METAP1: variants seen among roughly 807,000 people sequenced by gnomAD.
The protein encoded by METAP1 is methionyl aminopeptidase 1.
Under a neutral mutation model 53.8 loss-of-function variants are expected in METAP1, and 28 were observed. That is an observed-to-expected ratio of 0.52 (90% CI 0.39 to 0.71). METAP1 has a LOEUF of 0.71. METAP1 is among the 30% of genes least tolerant of loss of function. The pLI is 0.00. For synonymous variants in METAP1, 181 were observed against 165.7 expected (o/e 1.09, Z -0.71); for missense variants, 389 against 479.8 (o/e 0.81, Z 1.77).
intron 1 of METAP1, among the ~76,000 whole-genome samples, chr4:99,003,630 A>G (rs78727713): frequency 0.01 from 1,528 of 152,322 alleles, 26 homozygotes; most frequent in African/African-American, 0.035. Context: ...TAAAGTCAGG[A>G]TCTGTCGATG....
At position 99,035,474 on chromosome 4, in the gene METAP1, T is replaced by C; in HGVS notation, c.340+14T>C. The C allele has an allele frequency of 6.5e-7, 1 of 1,527,438 alleles. No individual in the cohort carries two copies. The highest frequency in any genetic ancestry group is 1.2e-5 in the South Asian group (1 of 83,176). 94.6% of individuals were successfully genotyped at this position (1,527,438 alleles called of 1,614,324 possible). A position where few individuals can be genotyped will look rare whatever the true frequency, so the allele number is the denominator to read the frequency against. On this transcript the variant is annotated intron_variant, in intron 4 of 10. Coordinates refer to ENST00000296411, the MANE Select transcript of METAP1 (RefSeq NM_015143.3). ...ATCATCCCTTAGGTAAGCTCTGCTA[T>C]GTTGATTCTTCATTTTTCAATTTGT... is the stretch of plus-strand genomic sequence containing the variant.
chr4:98,996,142 TG>T (rs1350337614), intron 1 of METAP1, among the ~76,000 whole-genome samples: 2 of 152,082 alleles, frequency 1.3e-5, no homozygotes, highest in Admixed American at 1.3e-4. Flanking sequence ...CGGGGTCGCG[TG>T]GCCGCGCTAG....
At chr4:99,004,484 TACACACAC>T (rs145601239) in intron 1 of METAP1, among the ~76,000 whole-genome samples, 1,235 of 75,442 alleles carry the variant, frequency 0.016, 13 homozygotes, top group Middle Eastern at 0.053. Context: ...CACACACACA[TACACACAC>T]ACACACACAC....
chr4:98,998,226 A>G (rs1722731422), intron 1 of METAP1, among the ~76,000 whole-genome samples: 2 of 152,218 alleles, frequency 1.3e-5, no homozygotes, highest in African/African-American at 2.4e-5. Flanking sequence ...TACATCTGTG[A>G]TGAAATATGG....
chr4:99,024,913 A>G (rs1341223225), intron 1 of METAP1, among the ~76,000 whole-genome samples: 1 of 152,176 alleles, frequency 6.6e-6, no homozygotes, highest in Non-Finnish European at 1.5e-5. Context: ...ATATGGTTTC[A>G]GGATGAAACT....
chr4:99,029,925 GAAA>G (rs1484925832), intron 2 of METAP1, among the ~76,000 whole-genome samples: 1 of 152,180 alleles, frequency 6.6e-6, no homozygotes, highest in Non-Finnish European at 1.5e-5. Context: ...TGTTGTGGGA[GAAA>G]TGTGGTTAGA....
chr4:99,031,193 C>G (rs1724997690), intron 2 of METAP1, among the ~76,000 whole-genome samples: 1 of 134,944 alleles, frequency 7.4e-6, no homozygotes, highest in Admixed American at 8.1e-5. Flanking sequence ...AATGCTGATT[C>G]TTGGGTGCAT....
At chr4:99,048,314 G>C (rs1726421358) in intron 8 of METAP1, among the ~76,000 whole-genome samples, 2 of 152,094 alleles carry the variant, frequency 1.3e-5, no homozygotes, top group Non-Finnish European at 2.9e-5. Context: ...TGTAAGTTGA[G>C]GCATGGATGC....
At chr4:99,008,935 T>G (rs993203836) in intron 1 of METAP1, among the ~76,000 whole-genome samples, 1 of 152,242 alleles carries the variant, frequency 6.6e-6, no homozygotes, top group Non-Finnish European at 1.5e-5. Context: ...TTTATGTGTA[T>G]AGTTCAGTAG....
chr4:99,009,110 A>T (rs1400740448), intron 1 of METAP1, among the ~76,000 whole-genome samples: 2 of 152,226 alleles, frequency 1.3e-5, no homozygotes, highest in Non-Finnish European at 2.9e-5. Context: ...GACATTTCAT[A>T]TAAGTCAGAT....
At chr4:99,051,346 T>G (rs1726685861) in intron 9 of METAP1, among the ~76,000 whole-genome samples, 1 of 152,164 alleles carries the variant, frequency 6.6e-6, no homozygotes, top group African/African-American at 2.4e-5. Context: ...TGATTAGACA[T>G]AAGAAACAAT....
intron 1 of METAP1, chr4:99,026,410 A>AT (rs1359435699): frequency 1.3e-5 from 13 of 985,270 alleles, no homozygotes; most frequent in African/African-American, 1.7e-5. Flanking sequence ...AAGTGTGGAC[A>AT]TTTTTTAGAG....
intron 9 of METAP1, among the ~76,000 whole-genome samples, chr4:99,052,810 T>TA (rs1439783209): frequency 5.3e-5 from 8 of 152,366 alleles, no homozygotes; most frequent in African/African-American, 1.9e-4. Flanking sequence ...TAGCTTGTGA[T>TA]ATTGTTTGAT....
chr4:99,059,350 A>G (rs764392345), intron 10 of METAP1, among the ~76,000 whole-genome samples: 36 of 152,088 alleles, frequency 2.4e-4, no homozygotes, highest in Non-Finnish European at 3.4e-4. Context: ...TGTAAAGGCC[A>G]TTTGTGTAAA....
At chr4:99,048,271 A>G (rs1006475751) in intron 8 of METAP1, among the ~76,000 whole-genome samples, 6 of 152,194 alleles carry the variant, frequency 3.9e-5, no homozygotes, top group African/African-American at 1.4e-4. Context: ...AACTTTACCA[A>G]TTACTGGCTG....
At chr4:99,052,281 A>G (rs1726768802) in intron 9 of METAP1, among the ~76,000 whole-genome samples, 1 of 152,238 alleles carries the variant, frequency 6.6e-6, no homozygotes, top group African/African-American at 2.4e-5. Context: ...CTAACTGATC[A>G]GGGTGGTGGT....
intron 8 of METAP1, among the ~76,000 whole-genome samples, chr4:99,047,708 A>G (rs982695134): frequency 1.3e-5 from 2 of 152,220 alleles, no homozygotes; most frequent in African/African-American, 4.8e-5. Flanking sequence ...GAGAGAGTTA[A>G]GGATCCCCAG....
intron 3 of METAP1, 47 bp downstream of exon 3, chr4:99,034,389 C>CA: frequency 9.2e-7 from 1 of 1,091,202 alleles, no homozygotes; most frequent in Non-Finnish European, 1.4e-6. Flanking sequence ...TTGAATTTTC[C>CA]AAAAATGATA....
At chr4:99,048,705 T>A (rs1357262447) in intron 8 of METAP1, 28 bp from the exon 9 acceptor site, 2 of 1,608,456 alleles carry the variant, frequency 1.2e-6, no homozygotes, top group Non-Finnish European at 1.7e-6. Flanking sequence ...GTTATTAGTT[T>A]ATCATGAATT....
Sources: gnomAD v4.1 joint callset for allele counts (sites outside exome capture counted in the v4.1 genomes callset) on GRCh38, gnomAD v4.1.1 for gene constraint, MANE v1.5 for transcripts, NCBI Gene and HGNC (gene_info 2026-07-23, HGNC 2026-07-21) for gene names.